The following FOXN3 variants were observed in gnomAD, a reference collection of about 807,000 sequenced individuals.
FOXN3 encodes forkhead box N3.
Under a neutral mutation model 38.4 loss-of-function variants are expected in FOXN3, and 7 were observed. That is an observed-to-expected ratio of 0.18 (90% CI 0.10 to 0.34). The LOEUF is 0.34. Ranked by LOEUF, FOXN3 falls within the 10% of genes least tolerant of loss-of-function variation. FOXN3 has a pLI of 1.00. For synonymous variants in FOXN3, 230 were observed against 242.2 expected (o/e 0.95, Z 0.47); for missense variants, 456 against 613.4 (o/e 0.74, Z 2.71).
At chr14:89,441,534 C>A (rs750974912) in intron 1 of FOXN3, among the ~76,000 whole-genome samples, 2 of 152,276 alleles carry the variant, frequency 1.3e-5, no homozygotes, top group African/African-American at 2.4e-5. Context: ...TCATTACAGG[C>A]GCTCTTAATC....
chr14:89,487,379 C>A (rs1053388428), intron 1 of FOXN3, among the ~76,000 whole-genome samples: 1 of 152,144 alleles, frequency 6.6e-6, no homozygotes, highest in Non-Finnish European at 1.5e-5. Flanking sequence ...TTAATTAGAT[C>A]GGCGGTTCCC....
chr14:89,249,309 C>G (rs1283292053), intron 4 of FOXN3, among the ~76,000 whole-genome samples: 1 of 152,156 alleles, frequency 6.6e-6, no homozygotes, highest in Non-Finnish European at 1.5e-5. Context: ...TTCCAAAGCC[C>G]TTTCCCCTTT....
chr14:89,191,155 C>T (rs1201367727), intron 4 of FOXN3, among the ~76,000 whole-genome samples: 1 of 152,142 alleles, frequency 6.6e-6, no homozygotes, highest in African/African-American at 2.4e-5. Context: ...CACCAGTTGA[C>T]AGATGGCAGG....
chr14:89,589,769 T>A (rs1459948047), intron 1 of FOXN3, among the ~76,000 whole-genome samples: 2 of 152,172 alleles, frequency 1.3e-5, no homozygotes, highest in African/African-American at 4.8e-5. Context: ...TGATTTTTAT[T>A]TTCCATAATA....
intron 3 of FOXN3, among the ~76,000 whole-genome samples, chr14:89,293,313 T>C (rs537459352): frequency 6.6e-6 from 1 of 152,302 alleles, no homozygotes; most frequent in East Asian, 1.9e-4. Flanking sequence ...CAGTGTCTAT[T>C]CGTTTGCTGG....
intron 3 of FOXN3, among the ~76,000 whole-genome samples, chr14:89,306,453 C>T (rs1187359279): frequency 6.6e-6 from 1 of 152,062 alleles, no homozygotes. Flanking sequence ...CTGCAAGCTC[C>T]GCCTCCTGGG....
Position 89,586,674 on chromosome 14 carries a change from G to A in FOXN3, c.-15+32354C>T, listed in dbSNP as rs550666530. 5.5e-4 allele frequency among the ~76,000 whole-genome samples: 84 copies of A among 152,244 alleles called. 1 individual carries two copies. Among genetic ancestry groups the A allele is most frequent in the African/African-American group, 1.4e-3 (59 of 41,536 alleles). ...TGGCTTACCCCAGTGCAGGGGATGCGGGCAGGTAGATTTAAACTAAACAGG... is the reference window on the plus strand; with the variant it reads ...TGGCTTACCCCAGTGCAGGGGATGCAGGCAGGTAGATTTAAACTAAACAGG... On this transcript the variant is annotated intron_variant, in intron 1 of 6. Coordinates refer to the FOXN3 transcript ENST00000345097.
chr14:89,478,899 T>C (rs2139757004), intron 1 of FOXN3, among the ~76,000 whole-genome samples: 1 of 114,340 alleles, frequency 8.7e-6, no homozygotes, highest in Non-Finnish European at 1.6e-5. Context: ...GCCATTGCAC[T>C]CCAGCCTGGG....
intron 1 of FOXN3, among the ~76,000 whole-genome samples, chr14:89,502,068 C>A (rs1037121016): frequency 1.3e-5 from 2 of 149,300 alleles, no homozygotes; most frequent in African/African-American, 4.9e-5. Context: ...CGCGGGAGGC[C>A]TAAGCAGGGG....
At chr14:89,381,145 CAAA>C (rs71130067) in intron 2 of FOXN3, among the ~76,000 whole-genome samples, 952 of 63,988 alleles carry the variant, frequency 0.015, 4 homozygotes, top group African/African-American at 0.045. Flanking sequence ...CCCTCCGTCT[CAAA>C]AAAAAAAAAA....
chr14:89,401,755 T>A, intron 2 of FOXN3: 1 of 427,730 alleles, frequency 2.3e-6, no homozygotes, highest in South Asian at 1.7e-5. Context: ...ATCGGTCCTG[T>A]CCCTCGAGGA....
intron 1 of FOXN3, among the ~76,000 whole-genome samples, chr14:89,613,140 A>C (rs1896428329): frequency 2.1e-5 from 3 of 145,350 alleles, no homozygotes; most frequent in Admixed American, 7.2e-5. Flanking sequence ...AAAAAAAAAA[A>C]ACTCTTACAT....
chr14:89,490,461 T>C (rs1293260926), intron 1 of FOXN3, among the ~76,000 whole-genome samples: 2 of 152,182 alleles, frequency 1.3e-5, no homozygotes, highest in Admixed American at 1.3e-4. Context: ...CAGGAGCATG[T>C]GGAGGTATTG....
intron 2 of FOXN3, among the ~76,000 whole-genome samples, chr14:89,398,878 G>A (rs897412382): frequency 9.2e-5 from 14 of 152,196 alleles, no homozygotes; most frequent in Admixed American, 2.6e-4. Flanking sequence ...CCAGCTACTC[G>A]GGAGGCTAAG....
chr14:89,299,292 A>C, intron 3 of FOXN3, among the ~76,000 whole-genome samples: 1 of 152,144 alleles, frequency 6.6e-6, no homozygotes, highest in East Asian at 1.9e-4. Flanking sequence ...CACAAAATCC[A>C]ATGGTTTTAT....
At position 89,499,865 on chromosome 14, in the gene FOXN3, G is replaced by A. The variant is rs147714951; in HGVS notation, c.-14-87375C>T. Among the ~76,000 whole-genome samples the A allele has an allele frequency of 5.0e-3, 759 of 152,120 alleles. 12 individuals carry two copies. The highest frequency in any genetic ancestry group is 0.017 in the African/African-American group (712 of 41,448). On this transcript the variant is annotated intron_variant, in intron 1 of 6. Transcript: ENST00000345097. ...TGGGGTTGCAGCCTCCACGGAAGGGGAGTCATTTTGTATTGTTTGGCTTGG... is the reference window on the plus strand; with the variant it reads ...TGGGGTTGCAGCCTCCACGGAAGGGAAGTCATTTTGTATTGTTTGGCTTGG...
At chr14:89,510,728 G>A (rs1237473099) in intron 1 of FOXN3, among the ~76,000 whole-genome samples, 2 of 152,148 alleles carry the variant, frequency 1.3e-5, no homozygotes, top group Admixed American at 6.5e-5. Context: ...GATCACTTGA[G>A]GTCAAGAGTT....
intron 4 of FOXN3, among the ~76,000 whole-genome samples, chr14:89,194,379 C>T (rs1249457292): frequency 6.6e-6 from 1 of 152,164 alleles, no homozygotes; most frequent in African/African-American, 2.4e-5. Flanking sequence ...TCACTCAGAC[C>T]TCTTTCCTTA....
intron 4 of FOXN3, among the ~76,000 whole-genome samples, chr14:89,218,440 G>C (rs1274336073): frequency 6.6e-6 from 1 of 152,196 alleles, no homozygotes; most frequent in Non-Finnish European, 1.5e-5. Context: ...GTGTGCACCT[G>C]TCCTGAGCTT....
Sources: gnomAD v4.1 joint callset for allele counts (sites outside exome capture counted in the v4.1 genomes callset) on GRCh38, gnomAD v4.1.1 for gene constraint, MANE v1.5 for transcripts, NCBI Gene and HGNC (gene_info 2026-07-23, HGNC 2026-07-21) for gene names.